The following PRKDC variants were observed in gnomAD, a reference collection of about 807,000 sequenced individuals.
PRKDC encodes the protein protein kinase, DNA-activated, catalytic subunit, also known as DNA-dependent protein kinase catalytic subunit.
A neutral mutation model predicts 486.9 loss-of-function variants in PRKDC; 82 were observed. The observed-to-expected ratio is 0.17, with a 90% CI of 0.14 to 0.20. PRKDC has a LOEUF of 0.20. PRKDC is among the 10% of genes least tolerant of loss of function. The pLI is 1.00. For synonymous variants in PRKDC, 1,895 were observed against 1,837.0 expected, an observed-to-expected ratio of 1.03 and a Z score of -0.81; for missense variants, 4,504 against 5,038.2, an observed-to-expected ratio of 0.89 and a Z score of 3.21.
chr8:47,959,850 A>G, intron 1 of PRKDC, 123 bp downstream of exon 1: 1 of 1,433,630 alleles, frequency 7.0e-7, no homozygotes, highest in Non-Finnish European at 9.2e-7. Context: ...AATTCCCCCA[A>G]GAATCTAATT....
At chr8:47,885,614 C>T (rs541782509) in intron 36 of PRKDC, among the ~76,000 whole-genome samples, 28 of 151,126 alleles carry the variant, frequency 1.9e-4, no homozygotes, top group African/African-American at 3.9e-4. Flanking sequence ...AAATATTGAC[C>T]GGGTGCAGTG....
chr8:47,783,713 G>A (rs752978436), intron 78 of PRKDC, 29 bp downstream of exon 78: 7 of 1,612,018 alleles, frequency 4.3e-6, no homozygotes, highest in African/African-American at 2.7e-5. Context: ...CATCAGGACA[G>A]GGACTGGGTC....
chr8:47,852,810 T>A, intron 51 of PRKDC, 26 bp from the exon 52 acceptor site: 1 of 1,375,240 alleles, frequency 7.3e-7, no homozygotes, highest in Non-Finnish European at 1.0e-6. Flanking sequence ...AAAAGACATA[T>A]GCATCAAATA....
At chr8:47,813,363 C>T (rs950073735) in intron 68 of PRKDC, among the ~76,000 whole-genome samples, 3 of 152,012 alleles carry the variant, frequency 2.0e-5, no homozygotes, top group African/African-American at 7.3e-5. Flanking sequence ...AATGATCCAC[C>T]CACCTCGGCC....
Position 47,859,744 on chromosome 8 carries a change from A to C in PRKDC, c.6074T>G (p.Met2025Arg), listed in dbSNP as rs2088631245. The change falls in exon 46 of 86, where the codon ATG becomes AGG. Residue 2025 changes from methionine (M) to arginine (R), a missense_variant. By Grantham distance (91) the Met-to-Arg change is moderately conservative. This residue lies in a region of PRKDC where 1,592 missense variants were observed against 1,724.6 expected (regional missense o/e 0.92). Coordinates refer to ENST00000314191, the MANE Select transcript of PRKDC (RefSeq NM_006904.7). ...GTCTGCCAAATATGACAGGGAAGAC[A>C]TATAGGAAGGACCATCTGAAATATA... ...ANGDSDGPSYMSSLSYLADST... is the reference protein window; with the variant it reads ...ANGDSDGPSYRSSLSYLADST... 6.2e-7 allele frequency: 1 copy of C among 1,612,274 alleles called. No homozygotes were observed. The highest frequency in any genetic ancestry group is 8.5e-7 in the Non-Finnish European group (1 of 1,178,372).
In PRKDC at chr8:47,821,755, G is replaced by A. The variant is rs2087602019; in HGVS notation, c.8960C>T (p.Thr2987Ile). 1 of 1,593,490 alleles carries A rather than the reference G, an allele frequency of 6.3e-7. No individual in the cohort carries two copies. Among genetic ancestry groups the A allele is most frequent in the East Asian group, 2.2e-5 (1 of 44,576 alleles). Residue 2987 changes from threonine (T) to isoleucine (I), a missense_variant, in exon 65 of 86, where the codon ACA (threonine) becomes ATA (isoleucine). Coordinates refer to ENST00000314191, the MANE Select transcript of PRKDC (RefSeq NM_006904.7). Reference sequence around the variant, plus strand: ...TTCCCAAAAATCCTTCTCGGCTTCTGTGGGCTCACCATCTACCCAGTCTTG... The same window carrying A: ...TTCCCAAAAATCCTTCTCGGCTTCTATGGGCTCACCATCTACCCAGTCTTG... The part of the protein sequence containing the change: ...NKQDWVDGEP[T>I]EAEKDFWELA...
Position 47,828,223 on chromosome 8 carries a change from T to A in PRKDC, c.8522A>T (p.Asn2841Ile), listed in dbSNP as rs201099258. The change falls in exon 62 of 86, where the codon AAT (asparagine) becomes ATT (isoleucine). Residue 2841 changes from asparagine to isoleucine, a missense_variant. Transcript: ENST00000314191. ...NITQKLLQDF[N>I]RFLNTTFSFF... Reference sequence around the variant, plus strand: ...AGAGAAGGTGGTATTAAGAAAACGATTGAAGTCTTGAAGCAACTTTTGAGT... The same window carrying A: ...AGAGAAGGTGGTATTAAGAAAACGAATGAAGTCTTGAAGCAACTTTTGAGT... The A allele has an allele frequency of 1.9e-6, 3 of 1,613,668 alleles. No individual in the cohort carries two copies. Among genetic ancestry groups the A allele is most frequent in the African/African-American group, 1.3e-5 (1 of 74,918 alleles).
At chr8:47,904,762 C>T (rs2089743625) in intron 26 of PRKDC, 107 bp downstream of exon 26, 2 of 865,000 alleles carry the variant, frequency 2.3e-6, no homozygotes, top group African/African-American at 1.7e-5. Flanking sequence ...CACTGCATTC[C>T]AGCCTGGGCG....
At chr8:47,888,847 G>C (rs2154501789) in intron 33 of PRKDC, among the ~76,000 whole-genome samples, 167 bp downstream of exon 33, 1 of 152,326 alleles carries the variant, frequency 6.6e-6, no homozygotes, top group South Asian at 2.1e-4. Context: ...TACAGGGAAG[G>C]CACTAGTTAA....
intron 69 of PRKDC, among the ~76,000 whole-genome samples, chr8:47,806,457 A>T (rs2087216890): frequency 6.6e-6 from 1 of 152,222 alleles, no homozygotes; most frequent in African/African-American, 2.4e-5. Flanking sequence ...TATTACACTC[A>T]TCCAAAGAAA....
At chr8:47,930,397 C>A (rs1034963273) in intron 17 of PRKDC, among the ~76,000 whole-genome samples, 1 of 152,158 alleles carries the variant, frequency 6.6e-6, no homozygotes. Flanking sequence ...CTCAGCCTCC[C>A]GAGTAGCTGG....
chr8:47,938,519 A>T (rs947037933), intron 11 of PRKDC, among the ~76,000 whole-genome samples: 1 of 152,200 alleles, frequency 6.6e-6, no homozygotes, highest in African/African-American at 2.4e-5. Context: ...GAAGTCACAG[A>T]ATTCCACTAA....
chr8:47,828,983 T>A (rs1030937806), intron 61 of PRKDC, among the ~76,000 whole-genome samples: 1 of 152,222 alleles, frequency 6.6e-6, no homozygotes, highest in African/African-American at 2.4e-5. Context: ...GTATACTCCC[T>A]TTATTTATTC....
chr8:47,849,910 T>C (rs957488870), intron 52 of PRKDC, among the ~76,000 whole-genome samples: 3 of 152,244 alleles, frequency 2.0e-5, no homozygotes, highest in Admixed American at 2.0e-4. Context: ...TTCAGATTTC[T>C]GATAAAAAAT....
At chr8:47,861,307 T>C (rs1310544123) in intron 44 of PRKDC, among the ~76,000 whole-genome samples, 1 of 152,238 alleles carries the variant, frequency 6.6e-6, no homozygotes, top group East Asian at 1.9e-4. Flanking sequence ...CTAGTTATGA[T>C]ATATCATAGT....
intron 22 of PRKDC, among the ~76,000 whole-genome samples, chr8:47,917,835 A>G (rs2090010522): frequency 1.3e-5 from 2 of 152,180 alleles, no homozygotes; most frequent in African/African-American, 2.4e-5. Context: ...TATAGTTTAT[A>G]TTTTCATAGC....
Position 47,881,937 on chromosome 8 carries a change from A to G in PRKDC, c.4937T>C (p.Leu1646Pro). Residue 1646 changes from leucine to proline, a missense_variant, in exon 37 of 86, where the codon CTG (leucine) becomes CCG (proline). Leu to Pro is a moderately conservative substitution (Grantham distance 98). Transcript: ENST00000314191. ...CTGTAAAATTTTTGCCAGTAAGGCC[A>G]GCACTGCCATTTTAGTTTCGAGAGG... is the stretch of plus-strand genomic sequence containing the variant. ...DSPLETKMAVLALLAKILQID... is the reference protein window; with the variant it reads ...DSPLETKMAVPALLAKILQID... 1.2e-6 allele frequency: 2 copies of G among 1,613,292 alleles called. No homozygotes were observed. The highest frequency in any genetic ancestry group is 1.3e-5 in the African/African-American group (1 of 75,042).
At position 47,819,404 on chromosome 8, in the gene PRKDC, T is replaced by C. The variant is rs747157878; in HGVS notation, c.9443A>G (p.Gln3148Arg). Residue 3148 changes from glutamine (Q) to arginine (R), a missense_variant and splice_region_variant, in exon 67 of 86, where the codon CAA becomes CGA. Coordinates refer to ENST00000314191, the MANE Select transcript of PRKDC (RefSeq NM_006904.7). ...AAAAGACCGATGAAAAAAATTACCT[T>C]GTTTGCTTATAAAGCTGATGAACTC... ...IQEFISFISKQGNLSSQVPLK... is the reference protein window; with the variant it reads ...IQEFISFISKRGNLSSQVPLK... 1 of 1,515,698 alleles carries C rather than the reference T, an allele frequency of 6.6e-7. No individual in the cohort carries two copies. Among genetic ancestry groups the C allele is most frequent in the Admixed American group, 2.4e-5 (1 of 40,986 alleles). 93.9% of individuals were successfully genotyped at this position (1,515,698 alleles called of 1,614,324 possible).
chr8:47,934,353 C>T (rs1017123023), intron 14 of PRKDC, among the ~76,000 whole-genome samples: 2 of 152,186 alleles, frequency 1.3e-5, no homozygotes, highest in Non-Finnish European at 2.9e-5. Flanking sequence ...GCCTGGCCAA[C>T]ATGGCAAAAT....
Sources: allele counts gnomAD v4.1 joint callset (sites outside exome capture counted in the v4.1 genomes callset), GRCh38; gene constraint gnomAD v4.1.1; regional missense constraint gnomAD v4.1.1; transcripts MANE v1.5; gene names NCBI Gene and HGNC (gene_info 2026-07-23, HGNC 2026-07-21).